STAG1: variants seen among roughly 807,000 people sequenced by gnomAD.
The protein encoded by STAG1 is cohesin subunit SA-1.
In STAG1, 26 loss-of-function variants were observed where a neutral mutation model predicts 170.9. The observed-to-expected ratio is 0.15, with a 90% confidence interval of 0.11 to 0.21. The LOEUF (loss-of-function observed/expected upper bound fraction) is 0.21. Ranked by LOEUF, STAG1 falls within the 10% of genes least tolerant of loss-of-function variation. STAG1 has a pLI of 1.00. For synonymous variants in STAG1, 514 were observed against 497.7 expected (o/e 1.03, Z -0.44); for missense variants, 964 against 1,509.5 (o/e 0.64, Z 5.99).
At chr3:136,631,385 G>A (rs1437187320) in intron 1 of STAG1, among the ~76,000 whole-genome samples, 1 of 152,198 alleles carries the variant, frequency 6.6e-6, no homozygotes, top group Non-Finnish European at 1.5e-5. Context: ...AAGAATCGGT[G>A]GTTACCAAGG....
At chr3:136,703,514 G>A (rs1186059842) in intron 1 of STAG1, among the ~76,000 whole-genome samples, 1 of 152,140 alleles carries the variant, frequency 6.6e-6, no homozygotes, top group African/African-American at 2.4e-5. Context: ...TTTATTGAGC[G>A]GCATTGCTCA....
chr3:136,554,712 T>G (rs918813170), intron 5 of STAG1, among the ~76,000 whole-genome samples: 1 of 151,948 alleles, frequency 6.6e-6, no homozygotes, highest in Non-Finnish European at 1.5e-5. Context: ...CAGGGCAACA[T>G]AGCAACCTTG....
chr3:136,472,321 C>T, intron 12 of STAG1, 92 bp downstream of exon 12: 1 of 692,606 alleles, frequency 1.4e-6, no homozygotes, highest in Non-Finnish European at 2.3e-6. Context: ...TAAACATATA[C>T]ATAAGGACTA....
At chr3:136,638,715 C>CA (rs756192263) in intron 1 of STAG1, among the ~76,000 whole-genome samples, 1 of 151,960 alleles carries the variant, frequency 6.6e-6, no homozygotes, top group Non-Finnish European at 1.5e-5. Flanking sequence ...CTAGCCTGGC[C>CA]AACATGGTGA....
chr3:136,674,496 T>G (rs1314885068), intron 1 of STAG1, among the ~76,000 whole-genome samples: 1 of 152,078 alleles, frequency 6.6e-6, no homozygotes. Flanking sequence ...CTGAGAGCAG[T>G]GGTGGGAATA....
At chr3:136,666,406 G>A (rs1172048061) in intron 1 of STAG1, among the ~76,000 whole-genome samples, 2 of 152,054 alleles carry the variant, frequency 1.3e-5, no homozygotes, top group African/African-American at 4.8e-5. Flanking sequence ...CTAAATTTGT[G>A]GTAATTTACT....
chr3:136,721,980 G>A (rs530330658), intron 1 of STAG1, among the ~76,000 whole-genome samples: 2 of 151,496 alleles, frequency 1.3e-5, no homozygotes, highest in Admixed American at 1.3e-4. Context: ...CCAGCACTTT[G>A]GGAGGCCAAG....
At chr3:136,612,653 C>T (rs1175203093) in intron 3 of STAG1, among the ~76,000 whole-genome samples, 2 of 152,216 alleles carry the variant, frequency 1.3e-5, no homozygotes, top group East Asian at 1.9e-4. Context: ...GCACTCTCTC[C>T]AGCCTGAACA....
intron 1 of STAG1, among the ~76,000 whole-genome samples, chr3:136,714,959 ATATATTTTATATATATATTTT>A (rs1461381730): frequency 4.3e-5 from 3 of 69,806 alleles, no homozygotes; most frequent in African/African-American, 1.2e-4. Context: ...ATATATATAT[ATATATTTTATATATATATTTT>A]TATATATATA....
At chr3:136,471,219 G>C (rs1263858933) in intron 12 of STAG1, among the ~76,000 whole-genome samples, 2 of 151,830 alleles carry the variant, frequency 1.3e-5, no homozygotes, top group African/African-American at 4.8e-5. Context: ...AACATAGTAA[G>C]AATACTTCTC....
chr3:136,654,957 A>AC (rs368475904), intron 1 of STAG1, among the ~76,000 whole-genome samples: 44 of 152,336 alleles, frequency 2.9e-4, no homozygotes, highest in African/African-American at 1.0e-3. Context: ...GCAAATTTGG[A>AC]CCCTTATTTA....
At chr3:136,426,326 C>T (rs1243970935) in intron 16 of STAG1, among the ~76,000 whole-genome samples, 1 of 152,086 alleles carries the variant, frequency 6.6e-6, no homozygotes, top group Non-Finnish European at 1.5e-5. Flanking sequence ...AAGAGAATGG[C>T]GTGAACCCCC....
chr3:136,627,684 A>G (rs1315718420), intron 2 of STAG1, among the ~76,000 whole-genome samples: 1 of 152,190 alleles, frequency 6.6e-6, no homozygotes, highest in Non-Finnish European at 1.5e-5. Context: ...AGGGGTATGG[A>G]AATTCAAACT....
intron 1 of STAG1, among the ~76,000 whole-genome samples, chr3:136,694,244 C>T (rs1342864169): frequency 6.6e-6 from 1 of 152,070 alleles, no homozygotes; most frequent in Non-Finnish European, 1.5e-5. Context: ...GAAGTGGAGA[C>T]AGGTCTCACA....
intron 1 of STAG1, among the ~76,000 whole-genome samples, chr3:136,653,810 T>C (rs1291517975): frequency 6.6e-6 from 1 of 152,206 alleles, no homozygotes; most frequent in Non-Finnish European, 1.5e-5. Context: ...AAGTGGGATT[T>C]ATTCCTGGAA....
At chr3:136,477,252 C>T in intron 10 of STAG1, 37 bp downstream of exon 10, 1 of 1,563,428 alleles carries the variant, frequency 6.4e-7, no homozygotes, top group Non-Finnish European at 8.6e-7. Flanking sequence ...CTGAGACAAA[C>T]ATAACTTCCA....
chr3:136,484,963 T>C (rs1474646266), intron 9 of STAG1, among the ~76,000 whole-genome samples: 1 of 152,172 alleles, frequency 6.6e-6, no homozygotes, highest in African/African-American at 2.4e-5. Flanking sequence ...CACACTGGCC[T>C]GTGCCCACTG....
chr3:136,683,335 T>C (rs1942405873), intron 1 of STAG1, among the ~76,000 whole-genome samples: 1 of 151,902 alleles, frequency 6.6e-6, no homozygotes, highest in Non-Finnish European at 1.5e-5. Flanking sequence ...ATGATCTAGG[T>C]TCACTGCCAC....
At chr3:136,631,349 A>G (rs1940321884) in intron 1 of STAG1, among the ~76,000 whole-genome samples, 1 of 152,254 alleles carries the variant, frequency 6.6e-6, no homozygotes, top group African/African-American at 2.4e-5. Context: ...GACATTTTGG[A>G]AAAGGCAAAA....
Sources: gnomAD v4.1 joint callset for allele counts (sites outside exome capture counted in the v4.1 genomes callset) on GRCh38, gnomAD v4.1.1 for gene constraint, MANE v1.5 for transcripts, NCBI Gene and HGNC (gene_info 2026-07-23, HGNC 2026-07-21) for gene names.